SLC8A1: variants seen among roughly 807,000 people sequenced by gnomAD.
SLC8A1 encodes the protein solute carrier family 8 member A1.
A neutral mutation model predicts 68.3 loss-of-function variants in SLC8A1; 18 were observed. That is an observed-to-expected ratio of 0.26 (90% CI 0.18 to 0.39). The LOEUF is 0.39. SLC8A1 is among the 10% of genes least tolerant of loss of function. SLC8A1 has a pLI of 1.00. For synonymous variants in SLC8A1, 475 were observed against 415.5 expected (o/e 1.14, Z -1.74); for missense variants, 985 against 1,156.7 (o/e 0.85, Z 2.15).
At chr2:40,369,163 C>G (rs1291390947) in intron 2 of SLC8A1, among the ~76,000 whole-genome samples, 1 of 151,964 alleles carries the variant, frequency 6.6e-6, no homozygotes, top group Non-Finnish European at 1.5e-5. Context: ...AAAAGAATTG[C>G]AACAAAAGCA....
chr2:40,449,891 T>G (rs180948971), intron 1 of SLC8A1, among the ~76,000 whole-genome samples: 356 of 152,272 alleles, frequency 2.3e-3, no homozygotes, highest in Middle Eastern at 0.014. Context: ...AATTAATCAT[T>G]TTTTTAAAAA....
chr2:40,425,049 C>T (rs1401995032), intron 2 of SLC8A1, among the ~76,000 whole-genome samples: 1 of 151,780 alleles, frequency 6.6e-6, no homozygotes, highest in African/African-American at 2.4e-5. Flanking sequence ...TTTTTATTAG[C>T]TGTTAACATT....
chr2:40,108,394 T>A (rs1359742793), exon 8 of SLC8A1: 2 of 152,210 alleles, frequency 1.3e-5, no homozygotes, highest in African/African-American at 2.4e-5. Flanking sequence ...AAACTGGGAT[T>A]TATTTCACTT....
At chr2:40,195,499 G>C (rs2052793343) in intron 2 of SLC8A1, among the ~76,000 whole-genome samples, 2 of 151,988 alleles carry the variant, frequency 1.3e-5, no homozygotes, top group Admixed American at 1.3e-4. Flanking sequence ...AAAGAATTTG[G>C]AGAAAAATTG....
At chr2:40,451,414 C>T (rs540006139) in intron 1 of SLC8A1, among the ~76,000 whole-genome samples, 1 of 152,182 alleles carries the variant, frequency 6.6e-6, no homozygotes. Context: ...CGCTGGAAAA[C>T]AGGGGGCTCG....
At chr2:40,452,341 C>A (rs1443194902), upstream of SLC8A1, among the ~76,000 whole-genome samples, 1 of 152,010 alleles carries the variant, frequency 6.6e-6, no homozygotes, top group East Asian at 1.9e-4. Flanking sequence ...GAGCACCGAG[C>A]GGGTGGGGAG....
At position 40,174,750 on chromosome 2, in the gene SLC8A1, T is replaced by C. The variant is rs748365362; in HGVS notation, c.1930+75A>G. 9.6e-6 allele frequency: 15 copies of C among 1,561,422 alleles called. No homozygotes were observed. The South Asian group carries it at 1.6e-4, about 17-fold the overall frequency. ...ATTAAAAGCAAATAAAAATGAGAAA[T>C]TTTTTTTAATGTAATAACATCTGGT... is the stretch of plus-strand genomic sequence containing the variant. On this transcript the variant is annotated intron_variant, in intron 4 of 7. Coordinates refer to ENST00000406785, the Ensembl canonical transcript of SLC8A1.
intron 2 of SLC8A1, among the ~76,000 whole-genome samples, chr2:40,227,221 T>C (rs1367097116): frequency 6.6e-6 from 1 of 151,712 alleles, no homozygotes; most frequent in Non-Finnish European, 1.5e-5. Flanking sequence ...TAATATAGTC[T>C]CCACAGCAAA....
intron 2 of SLC8A1, among the ~76,000 whole-genome samples, chr2:40,328,759 T>C (rs1406045083): frequency 6.6e-6 from 1 of 152,060 alleles, no homozygotes; most frequent in Non-Finnish European, 1.5e-5. Flanking sequence ...GGTCCCAGCT[T>C]CCCAGTGACT....
intron 2 of SLC8A1, among the ~76,000 whole-genome samples, chr2:40,229,690 A>C (rs989611350): frequency 1.3e-5 from 2 of 150,138 alleles, no homozygotes; most frequent in Non-Finnish European, 3.0e-5. Context: ...GATCCTCCAA[A>C]CATAACCTAA....
intron 2 of SLC8A1, among the ~76,000 whole-genome samples, chr2:40,264,343 T>C (rs1417667643): frequency 2.6e-5 from 4 of 152,152 alleles, no homozygotes; most frequent in Non-Finnish European, 4.4e-5. Flanking sequence ...AGCCATCCCG[T>C]TACTGGGTAT....
Position 40,236,783 on chromosome 2 carries a change from T to C in SLC8A1, c.1809-58928A>G, listed in dbSNP as rs1181542496. On this transcript the variant is annotated intron_variant, in intron 2 of 7. Coordinates refer to ENST00000406785, the Ensembl canonical transcript of SLC8A1. ...TTAGTGCTTCCTTCAGGAGCTCTTT[T>C]AGGGCAGGCCTGGTGGTGACAAAAT... Among the ~76,000 whole-genome samples the C allele has an allele frequency of 2.0e-5, 3 of 151,776 alleles. No homozygotes were observed. In the East Asian group the frequency reaches 5.8e-4, roughly 29 times the overall value.
intron 2 of SLC8A1, among the ~76,000 whole-genome samples, chr2:40,290,480 A>T (rs1043450880): frequency 6.6e-6 from 1 of 152,126 alleles, no homozygotes; most frequent in South Asian, 2.1e-4. Flanking sequence ...AAAGAAAAAG[A>T]CGGCAGCAGA....
At chr2:40,413,679 A>G (rs185325737) in intron 2 of SLC8A1, among the ~76,000 whole-genome samples, 17 of 152,326 alleles carry the variant, frequency 1.1e-4, no homozygotes, top group Admixed American at 9.8e-4. Context: ...TACATATAAT[A>G]TCACTGCACA....
At chr2:40,242,329 G>C (rs566607502) in intron 2 of SLC8A1, among the ~76,000 whole-genome samples, 33 of 152,266 alleles carry the variant, frequency 2.2e-4, no homozygotes, top group African/African-American at 7.2e-4. Flanking sequence ...AAGATAAAAG[G>C]TCCACATTTC....
chr2:40,395,860 C>T (rs1310453013), intron 2 of SLC8A1, among the ~76,000 whole-genome samples: 1 of 152,082 alleles, frequency 6.6e-6, no homozygotes, highest in African/African-American at 2.4e-5. Context: ...TAAATAAAAA[C>T]AGATGAGGAG....
At chr2:40,288,869 T>A (rs527354759) in intron 2 of SLC8A1, among the ~76,000 whole-genome samples, 1 of 133,068 alleles carries the variant, frequency 7.5e-6, no homozygotes, top group Non-Finnish European at 1.5e-5. Flanking sequence ...ATATGATTTT[T>A]TTTTTTTTTT....
chr2:40,176,895 G>A (rs2048565650), intron 3 of SLC8A1, among the ~76,000 whole-genome samples: 1 of 152,012 alleles, frequency 6.6e-6, no homozygotes, highest in East Asian at 1.9e-4. Flanking sequence ...ACCATTAGAG[G>A]ATAATTATAT....
chr2:40,106,341 C>T (rs1167745924), exon 8 of SLC8A1: 3 of 152,130 alleles, frequency 2.0e-5, no homozygotes, highest in African/African-American at 4.8e-5. Context: ...GAGTTCGAGA[C>T]CAACCTGGAA....
Sources: allele counts gnomAD v4.1 joint callset (sites outside exome capture counted in the v4.1 genomes callset), GRCh38; gene constraint gnomAD v4.1.1; transcripts MANE v1.5; gene names NCBI Gene and HGNC (gene_info 2026-07-23, HGNC 2026-07-21).